DLG2: variants seen among roughly 807,000 people sequenced by gnomAD.
The protein encoded by DLG2 is discs large MAGUK scaffold protein 2.
A neutral mutation model predicts 132.5 loss-of-function variants in DLG2; 45 were observed. That is an observed-to-expected ratio of 0.34 (90% CI 0.27 to 0.44). The LOEUF is 0.44. Among genes scored for constraint, DLG2 ranks in the 20% least tolerant of loss-of-function variants. DLG2 has a pLI of 1.00. For synonymous variants in DLG2, 424 were observed against 419.6 expected (o/e 1.01, Z -0.13); for missense variants, 1,045 against 1,196.9 (o/e 0.87, Z 1.87).
At chr11:83,668,693 GTGTATATAAACACATATATA>G (rs2076178176) in intron 18 of DLG2, among the ~76,000 whole-genome samples, 2 of 15,900 alleles carry the variant, frequency 1.3e-4, no homozygotes, top group African/African-American at 3.9e-4. Flanking sequence ...GTATATATAT[GTGTATATAAACACATATATA>G]TGTGTATATA....
chr11:84,739,494 A>T (rs961448245), intron 6 of DLG2, among the ~76,000 whole-genome samples: 1 of 152,210 alleles, frequency 6.6e-6, no homozygotes, highest in Non-Finnish European at 1.5e-5. Context: ...GTTCACTCCT[A>T]TGAGCACTTT....
At chr11:83,722,177 C>T (rs574316750) in intron 18 of DLG2, among the ~76,000 whole-genome samples, 70 of 151,876 alleles carry the variant, frequency 4.6e-4, no homozygotes, top group African/African-American at 1.5e-3. Context: ...TAATTTTTAA[C>T]GTTTTGACAA....
chr11:84,430,216 T>C (rs2098979929), intron 7 of DLG2, among the ~76,000 whole-genome samples: 1 of 152,000 alleles, frequency 6.6e-6, no homozygotes, highest in Non-Finnish European at 1.5e-5. Flanking sequence ...GGCAGGTAGA[T>C]CACAAGGTCA....
At chr11:83,698,819 AGAGTG>A (rs879492496) in intron 18 of DLG2, among the ~76,000 whole-genome samples, 6,010 of 152,148 alleles carry the variant, frequency 0.04, 170 homozygotes, top group South Asian at 0.09. Context: ...GTTACCTTCC[AGAGTG>A]TGGTTGTAAA....
At chr11:85,171,606 G>A (rs1468214052) in intron 4 of DLG2, among the ~76,000 whole-genome samples, 1 of 152,156 alleles carries the variant, frequency 6.6e-6, no homozygotes, top group Admixed American at 6.5e-5. Context: ...GGAGTTAAGT[G>A]GCTTCATTCT....
At chr11:83,462,420 T>TTAAG (rs2090203865) in intron 26 of DLG2, among the ~76,000 whole-genome samples, 1 of 152,202 alleles carries the variant, frequency 6.6e-6, no homozygotes, top group Non-Finnish European at 1.5e-5. Flanking sequence ...AGTAAAGTGC[T>TTAAG]TAAGTGTGTC....
chr11:84,215,703 T>A (rs1168522284), intron 8 of DLG2, among the ~76,000 whole-genome samples: 1 of 152,094 alleles, frequency 6.6e-6, no homozygotes, highest in African/African-American at 2.4e-5. Context: ...GGGTCCAGCA[T>A]CAGCATCAGA....
chr11:84,014,736 G>A (rs1468669353), intron 11 of DLG2, among the ~76,000 whole-genome samples: 2 of 152,040 alleles, frequency 1.3e-5, no homozygotes, highest in Non-Finnish European at 2.9e-5. Context: ...TGTTATGAAA[G>A]GCATGATTTT....
chr11:83,469,459 C>T (rs2091698767), intron 24 of DLG2, 86 bp from the exon 25 acceptor site: 1 of 985,050 alleles, frequency 1.0e-6, no homozygotes, highest in Non-Finnish European at 1.5e-6. Flanking sequence ...ACATCCTCAA[C>T]ATTGATATGT....
At chr11:84,226,568 C>A (rs1340637535) in intron 8 of DLG2, among the ~76,000 whole-genome samples, 1 of 152,134 alleles carries the variant, frequency 6.6e-6, no homozygotes, top group Non-Finnish European at 1.5e-5. Flanking sequence ...ATAACATATG[C>A]ATTGTACAGT....
intron 12 of DLG2, among the ~76,000 whole-genome samples, chr11:83,973,457 C>A (rs1218154907): frequency 2.0e-5 from 3 of 152,010 alleles, no homozygotes; most frequent in African/African-American, 4.8e-5. Context: ...CAGGTTTTAT[C>A]CTGTTGTTTC....
At chr11:83,861,881 A>G (rs1291425415) in intron 16 of DLG2, among the ~76,000 whole-genome samples, 1 of 152,164 alleles carries the variant, frequency 6.6e-6, no homozygotes. Flanking sequence ...GTATAATTGC[A>G]TTGTTTGTAA....
intron 9 of DLG2, among the ~76,000 whole-genome samples, chr11:84,116,589 C>T (rs921146257): frequency 6.6e-6 from 1 of 152,110 alleles, no homozygotes; most frequent in African/African-American, 2.4e-5. Context: ...ATGGGAGAAA[C>T]CTGCCCCCAT....
At chr11:85,399,372 T>C (rs1444770747) in intron 3 of DLG2, among the ~76,000 whole-genome samples, 1 of 152,146 alleles carries the variant, frequency 6.6e-6, no homozygotes, top group Non-Finnish European at 1.5e-5. Flanking sequence ...AATTTATAGA[T>C]TCAATGCCAT....
chr11:84,199,816 A>G (rs2096568527), intron 8 of DLG2, among the ~76,000 whole-genome samples: 3 of 152,078 alleles, frequency 2.0e-5, no homozygotes, highest in Non-Finnish European at 4.4e-5. Flanking sequence ...GACAATATCA[A>G]GTGGTCTAAC....
intron 6 of DLG2, among the ~76,000 whole-genome samples, chr11:84,953,018 T>C (rs2051166881): frequency 6.6e-6 from 1 of 152,210 alleles, no homozygotes; most frequent in Non-Finnish European, 1.5e-5. Context: ...CTTTCCCACC[T>C]TTTCATTTCT....
At chr11:83,524,088 G>C (rs2095548541) in intron 21 of DLG2, among the ~76,000 whole-genome samples, 1 of 152,164 alleles carries the variant, frequency 6.6e-6, no homozygotes, top group Non-Finnish European at 1.5e-5. Flanking sequence ...AGAGGTATGT[G>C]CTTGTGGGTA....
At chr11:83,651,384 T>C (rs2070357913) in intron 18 of DLG2, among the ~76,000 whole-genome samples, 1 of 152,198 alleles carries the variant, frequency 6.6e-6, no homozygotes, top group African/African-American at 2.4e-5. Flanking sequence ...GTAAAGAAGC[T>C]GTACAAAGTA....
intron 17 of DLG2, among the ~76,000 whole-genome samples, chr11:83,823,673 A>ATTCG (rs1555009499): frequency 0.034 from 5,096 of 150,334 alleles, 693 homozygotes; most frequent in Middle Eastern, 0.11. Flanking sequence ...TCATTCATTC[A>ATTCG]TTCGTTCATT....
Sources: allele counts gnomAD v4.1 joint callset (sites outside exome capture counted in the v4.1 genomes callset), GRCh38; gene constraint gnomAD v4.1.1; transcripts MANE v1.5; gene names NCBI Gene and HGNC (gene_info 2026-07-23, HGNC 2026-07-21).